TWSG1: variants seen among roughly 807,000 people sequenced by gnomAD.
The protein encoded by TWSG1 is twisted gastrulation protein homolog 1.
TWSG1 carries 15 observed loss-of-function variants against 23.0 expected under a neutral mutation model. The observed-to-expected ratio is 0.65, with a 90% CI of 0.44 to 1.00. The LOEUF (loss-of-function observed/expected upper bound fraction) is 1.00. Among genes scored for constraint, TWSG1 ranks in the 50% least tolerant of loss-of-function variants. The pLI is 0.00. For missense variants in TWSG1, 242 were observed against 278.7 expected, an observed-to-expected ratio of 0.87 and a Z score of 0.94; for synonymous variants, 86 against 92.8, an observed-to-expected ratio of 0.93 and a Z score of 0.42.
At chr18:9,359,807 T>G (rs2040543903) in intron 2 of TWSG1, among the ~76,000 whole-genome samples, 165 bp from the exon 3 acceptor site, 1 of 152,204 alleles carries the variant, frequency 6.6e-6, no homozygotes, top group Non-Finnish European at 1.5e-5. Flanking sequence ...CTACGTGACA[T>G]TGTAGATATT....
intron 3 of TWSG1, among the ~76,000 whole-genome samples, chr18:9,383,379 A>G (rs1311715996): frequency 2.0e-5 from 3 of 151,890 alleles, no homozygotes; most frequent in Non-Finnish European, 2.9e-5. Context: ...TTTTTAGTAG[A>G]GACAGGTTTT....
intron 2 of TWSG1, among the ~76,000 whole-genome samples, chr18:9,348,838 G>C (rs1384422245): frequency 1.3e-5 from 2 of 152,146 alleles, no homozygotes; most frequent in Non-Finnish European, 2.9e-5. Context: ...TTGTAATGTT[G>C]AACTGATGTA....
chr18:9,341,504 GC>G, intron 2 of TWSG1, among the ~76,000 whole-genome samples: 1 of 151,966 alleles, frequency 6.6e-6, no homozygotes, highest in South Asian at 2.1e-4. Context: ...GTAATTTTTA[GC>G]CATATGCCTA....
chr18:9,364,250 T>C (rs887117840), intron 3 of TWSG1, among the ~76,000 whole-genome samples: 1 of 152,224 alleles, frequency 6.6e-6, no homozygotes, highest in Non-Finnish European at 1.5e-5. Flanking sequence ...TTCTATTTCC[T>C]ATAGGCTGGA....
At chr18:9,337,375 T>G in intron 2 of TWSG1, 23 bp downstream of exon 2, 1 of 1,608,980 alleles carries the variant, frequency 6.2e-7, no homozygotes. Context: ...GTACTTTTAT[T>G]AATATCAAAA....
At chr18:9,369,205 T>C (rs762426968) in intron 3 of TWSG1, among the ~76,000 whole-genome samples, 12 of 152,338 alleles carry the variant, frequency 7.9e-5, no homozygotes, top group Non-Finnish European at 1.5e-4. Flanking sequence ...TGAGAATTTT[T>C]ACATATACAG....
chr18:9,381,864 C>T (rs77108066), intron 3 of TWSG1, among the ~76,000 whole-genome samples: 1 of 113,086 alleles, frequency 8.8e-6, no homozygotes, highest in East Asian at 4.0e-4. Flanking sequence ...CTTTACACAC[C>T]CCTGTTACTA....
chr18:9,382,681 C>T (rs144489406), intron 3 of TWSG1, among the ~76,000 whole-genome samples: 1,961 of 151,732 alleles, frequency 0.013, 49 homozygotes, highest in African/African-American at 0.045. Context: ...GTGGTGGGTG[C>T]CTGTAATCCC....
At chr18:9,397,685 G>A (rs1166415239) in intron 4 of TWSG1, among the ~76,000 whole-genome samples, 3 of 152,104 alleles carry the variant, frequency 2.0e-5, no homozygotes, top group Non-Finnish European at 2.9e-5. Flanking sequence ...ACTATTAGTT[G>A]TGCCCTCCAT....
At chr18:9,386,704 G>A (rs1285154047) in intron 3 of TWSG1, among the ~76,000 whole-genome samples, 1 of 152,028 alleles carries the variant, frequency 6.6e-6, no homozygotes, top group Non-Finnish European at 1.5e-5. Context: ...AGTGAGATGA[G>A]TGAAAAAAGA....
rs144274300 is a variant in TWSG1 at position 9,357,830 on chromosome 18, G to T, written c.124-2142G>T. ...TAGTTACATTATGCCATAAGGAGGAGGAGCAGGGAAGGGGGGGGATGGGGA... is the reference window on the plus strand; with the variant it reads ...TAGTTACATTATGCCATAAGGAGGATGAGCAGGGAAGGGGGGGGATGGGGA... On this transcript the variant is annotated intron_variant, in intron 2 of 4. Transcript: ENST00000262120. 8.1e-5 allele frequency among the ~76,000 whole-genome samples: 8 copies of T among 98,536 alleles called. No homozygotes were observed. The East Asian group carries it at 1.9e-3, about 24-fold the overall frequency. 64.6% of individuals were successfully genotyped at this position (98,536 alleles called of 152,430 possible).
intron 2 of TWSG1, among the ~76,000 whole-genome samples, chr18:9,343,218 A>C (rs1340797938): frequency 2.2e-4 from 1 of 4,518 alleles, no homozygotes; most frequent in African/African-American, 7.5e-4. Context: ...TGTTATATAT[A>C]TATATATATA....
intron 3 of TWSG1, among the ~76,000 whole-genome samples, chr18:9,382,464 A>G (rs113442044): frequency 8.1e-4 from 123 of 152,212 alleles, no homozygotes; most frequent in African/African-American, 2.9e-3. Context: ...CGGAGGTTGC[A>G]GTGAACCGAT....
intron 3 of TWSG1, among the ~76,000 whole-genome samples, chr18:9,385,621 G>T (rs1253519581): frequency 2.4e-5 from 1 of 41,126 alleles, no homozygotes; most frequent in African/African-American, 1.5e-4. Flanking sequence ...CCCGGGAAGC[G>T]GAGCTTGCAG....
chr18:9,381,545 T>C (rs2040656331), intron 3 of TWSG1, among the ~76,000 whole-genome samples: 1 of 152,258 alleles, frequency 6.6e-6, no homozygotes. Context: ...AGTATTATGT[T>C]AAGTTTTGCA....
At chr18:9,389,445 C>T (rs549024599) in intron 3 of TWSG1, among the ~76,000 whole-genome samples, 1 of 152,274 alleles carries the variant, frequency 6.6e-6, no homozygotes, top group South Asian at 2.1e-4. Flanking sequence ...GATCTTGGCT[C>T]TGATCCTAGA....
intron 2 of TWSG1, among the ~76,000 whole-genome samples, chr18:9,357,398 G>A (rs1463687595): frequency 6.6e-6 from 1 of 152,028 alleles, no homozygotes; most frequent in Non-Finnish European, 1.5e-5. Flanking sequence ...GGGACTTTTG[G>A]AGACAAAAAA....
intron 3 of TWSG1, among the ~76,000 whole-genome samples, chr18:9,372,441 CTT>C (rs1341073813): frequency 6.7e-6 from 1 of 149,364 alleles, no homozygotes; most frequent in African/African-American, 2.4e-5. Context: ...CTCAAAATAT[CTT>C]AATAATTTCA....
intron 2 of TWSG1, among the ~76,000 whole-genome samples, chr18:9,349,459 T>C (rs983628431): frequency 6.6e-6 from 1 of 152,218 alleles, no homozygotes; most frequent in African/African-American, 2.4e-5. Context: ...ATGTGCTAAA[T>C]TGACAGTCTG....
Sources: gnomAD v4.1 joint callset for allele counts (sites outside exome capture counted in the v4.1 genomes callset) on GRCh38, gnomAD v4.1.1 for gene constraint, MANE v1.5 for transcripts, NCBI Gene and HGNC (gene_info 2026-07-23, HGNC 2026-07-21) for gene names.